The following HEPHL1 variants were observed in gnomAD, a reference collection of about 807,000 sequenced individuals.
HEPHL1 encodes the protein hephaestin like 1, also known as ferroxidase HEPHL1.
In HEPHL1, 123 loss-of-function variants were observed where a neutral mutation model predicts 122.0. That is an observed-to-expected ratio of 1.01 (90% confidence interval 0.87 to 1.17). The LOEUF is 1.17. HEPHL1 is among the 50% of genes most tolerant of loss of function. The pLI is 0.00. For missense variants in HEPHL1, 1,452 were observed against 1,430.5 expected (o/e 1.01, Z -0.24); for synonymous variants, 527 against 508.9 (o/e 1.04, Z -0.48).
chr11:94,092,018 A>G (rs1946266349), intron 12 of HEPHL1, among the ~76,000 whole-genome samples: 3 of 152,196 alleles, frequency 2.0e-5, no homozygotes, highest in Admixed American at 2.0e-4. Flanking sequence ...CTTAACATCA[A>G]CGTTGTTAAA....
At chr11:94,076,482 C>T (rs1390525946) in intron 9 of HEPHL1, among the ~76,000 whole-genome samples, 1 of 152,068 alleles carries the variant, frequency 6.6e-6, no homozygotes, top group Non-Finnish European at 1.5e-5. Context: ...AAAGGTAGTG[C>T]TAATTTTGCC....
rs187854440 is a variant in HEPHL1, at chr11:94,035,800, G to C, written c.171-9873G>C. Among the ~76,000 whole-genome samples the C allele has an allele frequency of 6.4e-4, 97 of 152,252 alleles. 1 individual carries two copies. Among genetic ancestry groups the C allele is most frequent in the African/African-American group, 2.2e-3 (93 of 41,562 alleles). ...CACCCAGGCTGGAGTGCAGTGGCGC[G>C]ATCTCGGCTCACTGCAAGCTCCGCC... On this transcript the variant is annotated intron_variant, in intron 1 of 19. Transcript: ENST00000315765.
At chr11:94,079,313 T>C (rs909550892) in intron 9 of HEPHL1, among the ~76,000 whole-genome samples, 1 of 152,204 alleles carries the variant, frequency 6.6e-6, no homozygotes, top group African/African-American at 2.4e-5. Context: ...AACCTAGGTT[T>C]TTCTGTTCAC....
At chr11:94,098,476 T>A (rs900723586) in intron 13 of HEPHL1, among the ~76,000 whole-genome samples, 3 of 152,240 alleles carry the variant, frequency 2.0e-5, no homozygotes, top group African/African-American at 7.2e-5. Flanking sequence ...TTGGTGAATC[T>A]GACAATTATG....
In HEPHL1 at chr11:94,114,152, T is replaced by C. The variant is rs553637750; in HGVS notation, c.*2258T>C. Among the ~76,000 whole-genome samples, 1 of 152,322 alleles carries C rather than the reference T, an allele frequency of 6.6e-6. No homozygotes were observed. Among genetic ancestry groups the C allele is most frequent in the East Asian group, 1.9e-4 (1 of 5,192 alleles). On this transcript the variant is annotated 3_prime_UTR_variant, in exon 20 of 20. Transcript: ENST00000315765. ...CATCTTTCTATGAAACCATCAGCAA[T>C]GTCCGCCATTAAAAACAGAAAGCAA... is the stretch of plus-strand genomic sequence containing the variant.
At chr11:94,033,416 C>T (rs907891732) in intron 1 of HEPHL1, among the ~76,000 whole-genome samples, 1 of 151,990 alleles carries the variant, frequency 6.6e-6, no homozygotes, top group African/African-American at 2.4e-5. Context: ...TAGAGAGGAC[C>T]CGAAGACTCT....
intron 13 of HEPHL1, among the ~76,000 whole-genome samples, chr11:94,097,286 T>C (rs1354385341): frequency 6.6e-6 from 1 of 152,242 alleles, no homozygotes; most frequent in Non-Finnish European, 1.5e-5. Context: ...CCAGTAGTCA[T>C]TCAGGAGCAG....
intron 1 of HEPHL1, among the ~76,000 whole-genome samples, chr11:94,033,621 G>T (rs1190058201): frequency 6.6e-6 from 1 of 152,146 alleles, no homozygotes; most frequent in East Asian, 1.9e-4. Context: ...TCTATTGGCT[G>T]TCCTGGACCT....
At chr11:94,025,553 G>C (rs1591457943) in intron 1 of HEPHL1, among the ~76,000 whole-genome samples, 1 of 152,066 alleles carries the variant, frequency 6.6e-6, no homozygotes, top group East Asian at 1.9e-4. Flanking sequence ...CTAACTCATG[G>C]GTGGAACTGC....
At chr11:94,062,329 T>G (rs1355186632) in intron 2 of HEPHL1, among the ~76,000 whole-genome samples, 1 of 152,230 alleles carries the variant, frequency 6.6e-6, no homozygotes, top group Non-Finnish European at 1.5e-5. Flanking sequence ...GTATCCACTA[T>G]AGTTGGCACA....
chr11:94,070,253 T>A (rs1232005105), intron 5 of HEPHL1, 121 bp from the exon 6 acceptor site: 1 of 923,106 alleles, frequency 1.1e-6, no homozygotes, highest in African/African-American at 1.7e-5. Context: ...AAACTTTCTT[T>A]ATGGTCCAAT....
intron 1 of HEPHL1, among the ~76,000 whole-genome samples, chr11:94,026,051 A>T (rs979054800): frequency 3.3e-5 from 5 of 152,206 alleles, no homozygotes; most frequent in Non-Finnish European, 5.9e-5. Context: ...CTGGTGGGAT[A>T]GATGGTATAA....
intron 1 of HEPHL1, among the ~76,000 whole-genome samples, chr11:94,025,060 C>G (rs1232647790): frequency 6.6e-6 from 1 of 152,120 alleles, no homozygotes; most frequent in African/African-American, 2.4e-5. Flanking sequence ...TTAGGCACAT[C>G]CTTATGCACA....
chr11:94,111,555 C>G lies in HEPHL1; in HGVS notation c.3227C>G (p.Ser1076Cys). ...TGTGCAGACAACAGGATTCCTTACT[C>G]CACCACATCTCCTGGAGTGGCATCT... is the stretch of plus-strand genomic sequence containing the variant. ...LRNIDNRIPY[S>C]TTSPGVASHP... Residue 1076 changes from serine (S) to cysteine (C), a missense_variant, in exon 19 of 20, where the codon TCC (serine) becomes TGC (cysteine). Coordinates refer to ENST00000315765, the MANE Select transcript of HEPHL1 (RefSeq NM_001098672.2). 1 of 1,603,778 alleles carries G rather than the reference C, an allele frequency of 6.2e-7. No homozygotes were observed. The highest frequency in any genetic ancestry group is 2.2e-5 in the East Asian group (1 of 44,536).
chr11:94,024,118 C>T (rs1945604574), intron 1 of HEPHL1, among the ~76,000 whole-genome samples: 1 of 152,164 alleles, frequency 6.6e-6, no homozygotes, highest in African/African-American at 2.4e-5. Flanking sequence ...TTTCTGAGGA[C>T]AGTCTGTTGT....
chr11:94,037,016 C>T lies in HEPHL1; in HGVS notation c.171-8657C>T, dbSNP rs565127984. Among the ~76,000 whole-genome samples, 638 of 149,946 alleles carry T rather than the reference C, an allele frequency of 4.3e-3. 4 individuals are homozygous for T. Among genetic ancestry groups the T allele is most frequent in the Non-Finnish European group, 7.5e-3 (507 of 67,884 alleles). ...GGCGCAGGCCAGTGGGTGCGCGCAC[C>T]GTGCACGAGCCGAAGCAGGGCAAGG... On this transcript the variant is annotated intron_variant, in intron 1 of 19. Transcript: ENST00000315765.
intron 1 of HEPHL1, among the ~76,000 whole-genome samples, chr11:94,031,331 T>TACACACACACACACACACACACAC (rs3058474): frequency 6.9e-6 from 1 of 144,494 alleles, no homozygotes; most frequent in African/African-American, 2.6e-5. Context: ...TGTGCATTGT[T>TACACACACACACACACACACACAC]ACACACACAC....
At chr11:94,074,811 G>A (rs1290064004) in intron 8 of HEPHL1, among the ~76,000 whole-genome samples, 5 of 152,004 alleles carry the variant, frequency 3.3e-5, no homozygotes, top group Admixed American at 2.6e-4. Flanking sequence ...ATTCTTTTGG[G>A]TATCTTCTGC....
chr11:94,055,908 G>A (rs562653685), intron 2 of HEPHL1: 64 of 948,032 alleles, frequency 6.8e-5, no homozygotes, highest in African/African-American at 3.4e-4. Flanking sequence ...AGAGCCTACC[G>A]TGCCTCCTGT....
Sources: allele counts gnomAD v4.1 joint callset (sites outside exome capture counted in the v4.1 genomes callset), GRCh38; gene constraint gnomAD v4.1.1; transcripts MANE v1.5; gene names NCBI Gene and HGNC (gene_info 2026-07-23, HGNC 2026-07-21).